IFNLR1: variants seen among roughly 807,000 people sequenced by gnomAD.
IFNLR1 encodes the protein interferon lambda receptor 1, also known as CRF2-12.
Under a neutral mutation model 52.5 loss-of-function variants are expected in IFNLR1, and 28 were observed. The ratio of observed to expected loss-of-function variants is 0.53; its 90% confidence interval spans 0.40 to 0.73. The LOEUF is 0.73. IFNLR1 is among the 30% of genes least tolerant of loss of function. IFNLR1 has a pLI of 0.00. For missense variants in IFNLR1, 623 were observed against 659.1 expected (o/e 0.95, Z 0.60); for synonymous variants, 276 against 274.9 (o/e 1.00, Z -0.04).
intron 1 of IFNLR1, among the ~76,000 whole-genome samples, chr1:24,186,086 T>C (rs6424162): frequency 0.88 from 133,787 of 152,176 alleles, 58,966 homozygotes; most frequent in African/African-American, 0.92. Context: ...AAGGTCTGGG[T>C]TTGACAGTGA....
chr1:24,166,741 C>T (rs769157242), intron 3 of IFNLR1, among the ~76,000 whole-genome samples: 16 of 150,646 alleles, frequency 1.1e-4, no homozygotes, highest in Admixed American at 9.9e-4. Flanking sequence ...TTTGTAGAGA[C>T]GAGGTCTCCC....
chr1:24,157,422 G>C lies in IFNLR1; in HGVS notation c.1271C>G (p.Ser424Cys). The C allele has an allele frequency of 6.2e-7, 1 of 1,614,166 alleles. No individual in the cohort carries two copies. Among genetic ancestry groups the C allele is most frequent in the South Asian group, 1.1e-5 (1 of 91,078 alleles). ...CTTGGAGAATTCAGGTGGTGGGAGA[G>C]ATTCTTGGTGCCCATCCCCACCCGG... ...QGPGGDGHQE[S>C]LPPPEFSKDS... The change falls in exon 7 of 7, where the codon TCT (serine) becomes TGT (cysteine). Residue 424 changes from serine (S) to cysteine (C), a missense_variant. Physicochemically the swap from Ser to Cys is moderately radical, Grantham distance 112. Coordinates refer to ENST00000327535, the MANE Select transcript of IFNLR1 (RefSeq NM_170743.4). The surrounding 1 kb of genome is among the most constrained non-coding windows in gnomAD (Gnocchi z 5.1).
rs1232297776 is a variant in IFNLR1 at position 24,157,534 on chromosome 1, C to T, written c.1159G>A (p.Asp387Asn). The change falls in exon 7 of 7, where the codon GAC becomes AAC. Residue 387 changes from aspartate (D) to asparagine (N), a missense_variant. Coordinates refer to ENST00000327535, the MANE Select transcript of IFNLR1 (RefSeq NM_170743.4). The surrounding 1 kb of genome is among the most constrained non-coding windows in gnomAD (Gnocchi z 5.1). The stretch of plus-strand genomic sequence containing the variant: ...TCCACAGTGCTGGCCCAGCTTCTGT[C>T]TGAAGAATCCCAAGCAGAGGAGCCT... ...SEGSSAWDSS[D>N]RSWASTVDSS... 6.2e-7 allele frequency: 1 copy of T among 1,611,524 alleles called. No homozygotes were observed. The highest frequency in any genetic ancestry group is 1.1e-5 in the South Asian group (1 of 90,660).
At chr1:24,184,690 G>A (rs919967326) in intron 1 of IFNLR1, among the ~76,000 whole-genome samples, 2 of 152,210 alleles carry the variant, frequency 1.3e-5, no homozygotes, top group Admixed American at 6.5e-5. Flanking sequence ...ACATATCTAC[G>A]AGGTGATGAT....
At chr1:24,171,735 C>A (rs1341798752) in intron 2 of IFNLR1, among the ~76,000 whole-genome samples, 3 of 152,092 alleles carry the variant, frequency 2.0e-5, no homozygotes, top group African/African-American at 7.2e-5. Context: ...CGGCTCACTG[C>A]AAACTCCTCC....
At chr1:24,163,586 C>T (rs2185313) in intron 3 of IFNLR1, among the ~76,000 whole-genome samples, 131,616 of 149,148 alleles carry the variant, frequency 0.88, 58,429 homozygotes, top group East Asian at 0.99. Context: ...TTTCTTTTTT[C>T]TTTTTTTTTT....
chr1:24,180,690 CCTCAGTCTT>C, intron 2 of IFNLR1, 32 bp downstream of exon 2: 5 of 1,421,162 alleles, frequency 3.5e-6, no homozygotes, highest in East Asian at 2.6e-5. Flanking sequence ...CCACCCACCC[CCTCAGTCTT>C]CCCATCCACC....
chr1:24,158,927 GAT>G (rs1644409726), intron 6 of IFNLR1, 123 bp downstream of exon 6: 1 of 999,254 alleles, frequency 1.0e-6, no homozygotes, highest in Non-Finnish European at 1.5e-6. Flanking sequence ...CAGACACAAA[GAT>G]AGATGTTTTG....
intron 3 of IFNLR1, among the ~76,000 whole-genome samples, chr1:24,165,167 T>C (rs539347259): frequency 1.3e-5 from 2 of 152,298 alleles, no homozygotes; most frequent in East Asian, 3.9e-4. Context: ...CTCTCTCTCC[T>C]CTTGCATTTT....
chr1:24,166,749 C>T (rs895332469), intron 3 of IFNLR1, among the ~76,000 whole-genome samples: 12 of 151,582 alleles, frequency 7.9e-5, no homozygotes, highest in Non-Finnish European at 4.4e-5. Flanking sequence ...GACGAGGTCT[C>T]CCTATGTTGC....
chr1:24,162,712 TTTCTTTCTTTC>T (rs201128067), intron 3 of IFNLR1, among the ~76,000 whole-genome samples: 14,086 of 51,214 alleles, frequency 0.28, 1,191 homozygotes, highest in East Asian at 0.39. Flanking sequence ...TTTTCTTTTC[TTTCTTTCTTTC>T]TTTTCTTTCT....
At chr1:24,158,963 A>G in intron 6 of IFNLR1, 89 bp downstream of exon 6, 1 of 1,341,114 alleles carries the variant, frequency 7.5e-7, no homozygotes. Flanking sequence ...GACCATCTTG[A>G]TATTCTATCT....
intron 2 of IFNLR1, among the ~76,000 whole-genome samples, chr1:24,180,083 G>A (rs1644673417): frequency 6.6e-6 from 1 of 152,168 alleles, no homozygotes; most frequent in South Asian, 2.1e-4. Context: ...GATCACCTGA[G>A]CTCAGGAGTT....
chr1:24,162,064 A>G (rs776299716), intron 3 of IFNLR1, among the ~76,000 whole-genome samples: 1 of 152,058 alleles, frequency 6.6e-6, no homozygotes, highest in Non-Finnish European at 1.5e-5. Flanking sequence ...CAGTGCCTTA[A>G]AAATGATACA....
At chr1:24,166,564 T>G (rs1338201088) in intron 3 of IFNLR1, among the ~76,000 whole-genome samples, 1 of 152,110 alleles carries the variant, frequency 6.6e-6, no homozygotes, top group Non-Finnish European at 1.5e-5. Context: ...TTTCTTTCTT[T>G]AAGACAGGGT....
In IFNLR1 at chr1:24,187,180, CG is replaced by C; in HGVS notation, c.58+10del. The C allele has an allele frequency of 7.3e-7, 1 of 1,362,906 alleles. No homozygotes were observed. The highest frequency in any genetic ancestry group is 9.5e-7 in the Non-Finnish European group (1 of 1,055,558). The allele number at this position is 1,362,906 out of a possible 1,614,324, so 84.4% of individuals were successfully genotyped here. A position where few individuals can be genotyped will look rare whatever the true frequency, so the allele number is the denominator to read the frequency against. On this transcript the variant is annotated intron_variant, in intron 1 of 6. Transcript: ENST00000327535. ...CTCTTCCCCCTCCCTCCCGCGGCCC[CG>C]CGCCCTTACCTGGAGCGGCCTGCAG... is the stretch of plus-strand genomic sequence containing the variant.
In IFNLR1 at chr1:24,156,282, T is replaced by C. The variant is rs1644377785; in HGVS notation, c.*848A>G. On this transcript the variant is annotated 3_prime_UTR_variant, in exon 7 of 7. Coordinates refer to ENST00000327535, the MANE Select transcript of IFNLR1 (RefSeq NM_170743.4). Reference sequence around the variant, plus strand: ...GTTAAGTGCTCTCAGTCACTCTGGGTTTAGGGGCCACAGGTGGGAGATGCC... The same window carrying C: ...GTTAAGTGCTCTCAGTCACTCTGGGCTTAGGGGCCACAGGTGGGAGATGCC... The C allele has an allele frequency of 6.6e-6, 1 of 151,994 alleles. No homozygotes were observed. Among genetic ancestry groups the C allele is most frequent in the African/African-American group, 2.4e-5 (1 of 41,280 alleles). 9.4% of individuals were successfully genotyped at this position (151,994 alleles called of 1,614,324 possible). A position where few individuals can be genotyped will look rare whatever the true frequency, so the allele number is the denominator to read the frequency against.
chr1:24,168,016 T>G (rs898882675), intron 3 of IFNLR1, among the ~76,000 whole-genome samples: 11 of 152,166 alleles, frequency 7.2e-5, no homozygotes, highest in Non-Finnish European at 2.9e-5. Flanking sequence ...TTAGTGTATC[T>G]GTATATATCC....
At chr1:24,169,186 G>A (rs545836593) in intron 3 of IFNLR1, among the ~76,000 whole-genome samples, 9 of 152,250 alleles carry the variant, frequency 5.9e-5, no homozygotes, top group Non-Finnish European at 1.0e-4. Context: ...GGGTGCACGT[G>A]AGATTGCTGG....
Sources: allele counts gnomAD v4.1 joint callset (sites outside exome capture counted in the v4.1 genomes callset), GRCh38; gene constraint gnomAD v4.1.1; non-coding constraint Gnocchi (gnomAD v3.1); transcripts MANE v1.5; gene names NCBI Gene and HGNC (gene_info 2026-07-23, HGNC 2026-07-21).